The following FAM162A variants were observed in gnomAD, a reference collection of about 807,000 sequenced individuals.
FAM162A encodes the protein protein FAM162A.
A neutral mutation model predicts 21.8 loss-of-function variants in FAM162A; 23 were observed. The observed-to-expected ratio is 1.05, with a 90% CI of 0.76 to 1.49. FAM162A has a LOEUF of 1.49. Among genes scored for constraint, FAM162A ranks in the 40% most tolerant of loss-of-function variants. The pLI is 0.00. For synonymous variants in FAM162A, 53 were observed against 61.3 expected, an observed-to-expected ratio of 0.86 and a Z score of 0.64; for missense variants, 165 against 186.4, an observed-to-expected ratio of 0.89 and a Z score of 0.67.
Position 122,410,135 on chromosome 3 carries a change from T to A in FAM162A, c.*304T>A. 1.1e-5 allele frequency: 4 copies of A among 378,626 alleles called. No homozygotes were observed. Among genetic ancestry groups the A allele is most frequent in the Non-Finnish European group, 2.0e-5 (4 of 197,554 alleles). 23.5% of individuals were successfully genotyped at this position (378,626 alleles called of 1,614,324 possible). Reference sequence around the variant, plus strand: ...CCATATCTTACTTCTCTTCCCATTATCAAAGTAACCTCTCCACAGGCGAAC... The same window carrying A: ...CCATATCTTACTTCTCTTCCCATTAACAAAGTAACCTCTCCACAGGCGAAC... On this transcript the variant is annotated 3_prime_UTR_variant, in exon 5 of 5. Transcript: ENST00000477892.
At chr3:122,385,351 A>G (rs2075570273) in intron 1 of FAM162A, among the ~76,000 whole-genome samples, 1 of 152,214 alleles carries the variant, frequency 6.6e-6, no homozygotes, top group Non-Finnish European at 1.5e-5. Flanking sequence ...CTTTAAAAGC[A>G]AACACTTCTT....
chr3:122,386,572 A>G (rs900406343), intron 1 of FAM162A, among the ~76,000 whole-genome samples: 9 of 151,878 alleles, frequency 5.9e-5, no homozygotes, highest in East Asian at 3.9e-4. Flanking sequence ...AAAAAAAAAA[A>G]AAGAAAAGAA....
intron 1 of FAM162A, 145 bp downstream of exon 1, chr3:122,384,444 C>G: frequency 9.8e-7 from 1 of 1,018,340 alleles, no homozygotes; most frequent in Non-Finnish European, 1.5e-6. Context: ...TACTTAGTAG[C>G]CATGTGGGAG....
chr3:122,407,063 C>A (rs188733077), intron 3 of FAM162A, among the ~76,000 whole-genome samples: 15 of 151,010 alleles, frequency 9.9e-5, no homozygotes, highest in Non-Finnish European at 1.6e-4. Flanking sequence ...TAATTGTGTG[C>A]TATCCTGTAT....
Position 122,402,881 on chromosome 3 carries a change from C to G in FAM162A, c.156C>G (p.Ser52=). 1 of 1,585,000 alleles carries G rather than the reference C, an allele frequency of 6.3e-7. No individual in the cohort carries two copies. Among genetic ancestry groups the G allele is most frequent in the Non-Finnish European group, 8.5e-7 (1 of 1,171,806 alleles). The change falls in exon 2 of 5, where the codon TCC becomes TCG. Residue 52 remains serine (S), a splice_region_variant and synonymous_variant. Coordinates refer to ENST00000477892, the MANE Select transcript of FAM162A (RefSeq NM_014367.4). ...TKPQESPGAP[S]RTYNRVPLHK... ...CACAGGAAAGTCCCGGAGCTCCATC[C>G]CGTAAGTTTTTATTTTTTCTATTTA... is the stretch of plus-strand genomic sequence containing the variant.
At chr3:122,403,263 A>G (rs1010236720) in intron 2 of FAM162A, among the ~76,000 whole-genome samples, 45 of 152,332 alleles carry the variant, frequency 3.0e-4, no homozygotes, top group Non-Finnish European at 4.9e-4. Context: ...ATGTTCCTAC[A>G]GCAGACCTCC....
intron 1 of FAM162A, among the ~76,000 whole-genome samples, chr3:122,397,854 T>A (rs1252053702): frequency 1.3e-5 from 2 of 152,096 alleles, no homozygotes; most frequent in Admixed American, 6.6e-5. Flanking sequence ...TGAAAAAAAA[T>A]GAGCCCCCAC....
intron 1 of FAM162A, among the ~76,000 whole-genome samples, chr3:122,398,799 TTA>T (rs2075640503): frequency 6.6e-6 from 1 of 152,198 alleles, no homozygotes; most frequent in East Asian, 1.9e-4. Context: ...CATTTAAAAA[TTA>T]TATTAGTATT....
At chr3:122,390,232 G>A (rs1001493663) in intron 1 of FAM162A, among the ~76,000 whole-genome samples, 1 of 152,154 alleles carries the variant, frequency 6.6e-6, no homozygotes, top group African/African-American at 2.4e-5. Flanking sequence ...AGTTTGGTAC[G>A]ACATCCCTCA....
intron 1 of FAM162A, among the ~76,000 whole-genome samples, 198 bp from the exon 2 acceptor site, chr3:122,402,562 T>C (rs2075657645): frequency 6.6e-6 from 1 of 152,208 alleles, no homozygotes; most frequent in African/African-American, 2.4e-5. Flanking sequence ...AATTTCCTAA[T>C]CAATAAAACA....
Position 122,384,300 on chromosome 3 carries a change from G to T in FAM162A, c.34+1G>T. The stretch of plus-strand genomic sequence containing the variant: ...CTCAGCGGTCTGCGCCTGGCAGCAG[G>T]TGAGACGCCGGTCGGGATATGGGAG... On this transcript the variant is annotated splice_donor_variant, in intron 1 of 4. Coordinates refer to ENST00000477892, the MANE Select transcript of FAM162A (RefSeq NM_014367.4). LOFTEE classifies it high-confidence loss of function. The T allele has an allele frequency of 1.9e-6, 3 of 1,576,620 alleles. No individual in the cohort carries two copies. The highest frequency in any genetic ancestry group is 2.6e-6 in the Non-Finnish European group (3 of 1,161,356).
At chr3:122,400,837 A>G (rs1224371628) in intron 1 of FAM162A, among the ~76,000 whole-genome samples, 1 of 152,148 alleles carries the variant, frequency 6.6e-6, no homozygotes, top group African/African-American at 2.4e-5. Context: ...CAAAACAAAA[A>G]AAAAAAGACT....
Position 122,407,275 on chromosome 3 carries a change from T to TTA in FAM162A, c.264-6_264-5insTA. 6.2e-7 allele frequency: 1 copy of TTA among 1,612,382 alleles called. No homozygotes were observed. The highest frequency in any genetic ancestry group is 8.5e-7 in the Non-Finnish European group (1 of 1,178,580). On this transcript the variant is annotated splice_polypyrimidine_tract_variant and splice_region_variant and intron_variant, in intron 3 of 4. Coordinates refer to ENST00000477892, the MANE Select transcript of FAM162A (RefSeq NM_014367.4). ...ACTTTCTCTCATGATCTCATTGTAT[T>TTA]ACTAGGTTGGAGATGCTTGATGCTG...
Position 122,409,795 on chromosome 3 carries a change from G to A in FAM162A, c.429G>A (p.Leu143=), listed in dbSNP as rs1229874619. ...TGAACTTAGAAAAGAAAGCTCGTCT[G>A]AAAGAGGAAGCAGCTATGAAGGCCA... ...TSLNLEKKAR[L]KEEAAMKAKT... Residue 143 remains leucine, a synonymous_variant, in exon 5 of 5, where the codon CTG becomes CTA. Coordinates refer to ENST00000477892, the MANE Select transcript of FAM162A (RefSeq NM_014367.4). 1 of 1,614,100 alleles carries A rather than the reference G, an allele frequency of 6.2e-7. No individual in the cohort carries two copies. Among genetic ancestry groups the A allele is most frequent in the East Asian group, 2.2e-5 (1 of 44,880 alleles).
chr3:122,393,371 A>G (rs2075612695), intron 1 of FAM162A, among the ~76,000 whole-genome samples: 1 of 152,066 alleles, frequency 6.6e-6, no homozygotes. Context: ...AAAAGCCTGA[A>G]ATCGTGGTAG....
chr3:122,409,026 C>G (rs1157379928), intron 4 of FAM162A, among the ~76,000 whole-genome samples: 1 of 151,902 alleles, frequency 6.6e-6, no homozygotes, highest in Non-Finnish European at 1.5e-5. Context: ...TCCCCCACCC[C>G]CCGCCACATA....
intron 1 of FAM162A, among the ~76,000 whole-genome samples, chr3:122,396,643 C>A (rs1352193608): frequency 6.6e-6 from 1 of 152,088 alleles, no homozygotes; most frequent in Non-Finnish European, 1.5e-5. Context: ...ATATACCCCA[C>A]AAATGAAAAT....
intron 1 of FAM162A, among the ~76,000 whole-genome samples, chr3:122,392,974 C>T (rs1420598567): frequency 1.3e-5 from 2 of 152,138 alleles, no homozygotes; most frequent in African/African-American, 4.8e-5. Context: ...CCCATATTTG[C>T]TTTTCCATTT....
chr3:122,393,407 C>G (rs2107696726), intron 1 of FAM162A, among the ~76,000 whole-genome samples: 1 of 151,770 alleles, frequency 6.6e-6, no homozygotes, highest in African/African-American at 2.4e-5. Context: ...GGAGTTTTAA[C>G]TTGCTTTATT....
Sources: allele counts gnomAD v4.1 joint callset (sites outside exome capture counted in the v4.1 genomes callset), GRCh38; gene constraint gnomAD v4.1.1; transcripts MANE v1.5; gene names NCBI Gene and HGNC (gene_info 2026-07-23, HGNC 2026-07-21).